CADM2: variants seen among roughly 807,000 people sequenced by gnomAD.
CADM2 encodes the protein immunoglobulin superfamily member 4D.
Under a neutral mutation model 49.8 loss-of-function variants are expected in CADM2, and 12 were observed. That is an observed-to-expected ratio of 0.24 (90% confidence interval 0.15 to 0.39). The LOEUF (loss-of-function observed/expected upper bound fraction) is 0.39. Among genes scored for constraint, CADM2 ranks in the 10% least tolerant of loss-of-function variants. The probability of loss-of-function intolerance (pLI) is 1.00; values close to 1 mark genes in which losing one functional copy is unlikely to be tolerated. For synonymous variants in CADM2, 214 were observed against 175.4 expected (o/e 1.22, Z -1.74); for missense variants, 378 against 492.3 (o/e 0.77, Z 2.20).
In CADM2 at chr3:85,625,766, G is replaced by A. The variant is rs367627338; in HGVS notation, c.62-100756G>A. On this transcript the variant is annotated intron_variant, in intron 1 of 9. Transcript: ENST00000383699. ...GGGTATAGAGGCTGTATATAATGTA[G>A]TTTCGTACTGTGATACATATCAAAA... is the stretch of plus-strand genomic sequence containing the variant. Among the ~76,000 whole-genome samples, 813 of 152,006 alleles carry A rather than the reference G, an allele frequency of 5.3e-3. 3 individuals carry two copies. Among genetic ancestry groups the A allele is most frequent in the Middle Eastern group, 0.01 (3 of 294 alleles).
At chr3:85,845,172 A>AG (rs1199967419) in intron 3 of CADM2, among the ~76,000 whole-genome samples, 5 of 151,454 alleles carry the variant, frequency 3.3e-5, no homozygotes, top group African/African-American at 1.2e-4. Context: ...AAAAAAAAAA[A>AG]AAGAAGAGCA....
chr3:85,963,034 A>T (rs73134126), intron 8 of CADM2, among the ~76,000 whole-genome samples: 1 of 151,910 alleles, frequency 6.6e-6, no homozygotes. Context: ...AATTAATCTA[A>T]CAAGTGTTAT....
At chr3:85,984,472 A>G (rs1366551962) in intron 8 of CADM2, among the ~76,000 whole-genome samples, 1 of 151,784 alleles carries the variant, frequency 6.6e-6, no homozygotes, top group Non-Finnish European at 1.5e-5. Flanking sequence ...CATATGAAAC[A>G]TAGTTATATA....
chr3:85,534,223 A>C (rs1349885539), intron 1 of CADM2, among the ~76,000 whole-genome samples: 1 of 152,042 alleles, frequency 6.6e-6, no homozygotes, highest in Non-Finnish European at 1.5e-5. Context: ...GTTTCCCTTA[A>C]CTCTTGCCAT....
chr3:85,047,947 CAA>C (rs1236895225), intron 1 of CADM2, among the ~76,000 whole-genome samples: 2 of 152,096 alleles, frequency 1.3e-5, no homozygotes. Context: ...AGTAATAACA[CAA>C]GTCTGAAATT....
chr3:85,565,159 T>A (rs1436315362), intron 1 of CADM2, among the ~76,000 whole-genome samples: 5 of 152,096 alleles, frequency 3.3e-5, no homozygotes, highest in African/African-American at 1.2e-4. Context: ...TAGCATTGTT[T>A]ATAACTGCTC....
At chr3:85,866,671 T>C (rs558746373) in intron 3 of CADM2, among the ~76,000 whole-genome samples, 18 of 151,948 alleles carry the variant, frequency 1.2e-4, no homozygotes, top group African/African-American at 3.9e-4. Context: ...TAATTAATAA[T>C]TTATGTATTT....
At chr3:85,123,339 A>C (rs1197615090) in intron 1 of CADM2, among the ~76,000 whole-genome samples, 2 of 152,126 alleles carry the variant, frequency 1.3e-5, no homozygotes, top group African/African-American at 4.8e-5. Context: ...TTGACTCTGG[A>C]GATTTCCTCA....
At chr3:85,360,078 A>G (rs73845442) in intron 1 of CADM2, among the ~76,000 whole-genome samples, 1,776 of 152,040 alleles carry the variant, frequency 0.012, 27 homozygotes, top group African/African-American at 0.041. Flanking sequence ...TAAATACAAA[A>G]TAATTTTTTT....
chr3:84,986,797 T>C (rs991724479), intron 1 of CADM2, among the ~76,000 whole-genome samples: 1 of 151,090 alleles, frequency 6.6e-6, no homozygotes, highest in Non-Finnish European at 1.5e-5. Context: ...CTTTAAGAAG[T>C]TAGTTTGACT....
At chr3:85,702,260 A>C (rs1428200658) in intron 1 of CADM2, among the ~76,000 whole-genome samples, 1 of 152,060 alleles carries the variant, frequency 6.6e-6, no homozygotes, top group East Asian at 1.9e-4. Context: ...ACTCAGGGTA[A>C]CTGTCAGGGA....
At chr3:85,887,580 A>G (rs1445932593) in intron 5 of CADM2, among the ~76,000 whole-genome samples, 1 of 152,154 alleles carries the variant, frequency 6.6e-6, no homozygotes, top group Non-Finnish European at 1.5e-5. Context: ...GTCCTTATCC[A>G]TAATTTTACC....
chr3:85,490,495 G>T (rs943380262), intron 1 of CADM2, among the ~76,000 whole-genome samples: 2 of 152,038 alleles, frequency 1.3e-5, no homozygotes, highest in Non-Finnish European at 2.9e-5. Context: ...AAGGTAGAAG[G>T]ATTGCTTAAG....
intron 3 of CADM2, among the ~76,000 whole-genome samples, chr3:85,820,591 AC>A (rs1396914352): frequency 6.6e-6 from 1 of 152,178 alleles, no homozygotes; most frequent in Non-Finnish European, 1.5e-5. Flanking sequence ...ACTTGAAATA[AC>A]AAACTTGAGA....
At position 85,172,832 on chromosome 3, in the gene CADM2, A is replaced by AAT. The variant is rs925469756; in HGVS notation, c.61+213173_61+213174dup. Among the ~76,000 whole-genome samples the AAT allele has an allele frequency of 4.8e-5, 7 of 146,928 alleles. No individual in the cohort carries two copies. The East Asian group carries it at 1.2e-3, about 25-fold the overall frequency. On this transcript the variant is annotated intron_variant, in intron 1 of 9. Coordinates refer to ENST00000383699, the MANE Select transcript of CADM2 (RefSeq NM_001167675.2). The stretch of plus-strand genomic sequence containing the variant: ...GGTCTGAACTATGCAGATTATATAT[A>AAT]ATATATATATTATATATAAAAATAT...
intron 1 of CADM2, among the ~76,000 whole-genome samples, chr3:85,502,393 A>G (rs2040155684): frequency 6.6e-6 from 1 of 152,072 alleles, no homozygotes; most frequent in Admixed American, 6.6e-5. Flanking sequence ...ACTCTTAAGG[A>G]GGAAAAAGGA....
chr3:85,524,361 A>G (rs939978244), intron 1 of CADM2, among the ~76,000 whole-genome samples: 3 of 152,086 alleles, frequency 2.0e-5, no homozygotes, highest in African/African-American at 7.2e-5. Flanking sequence ...CTATAACTCC[A>G]TTCCTAAGTA....
chr3:85,136,095 G>C (rs2039407938), intron 1 of CADM2, among the ~76,000 whole-genome samples: 1 of 152,104 alleles, frequency 6.6e-6, no homozygotes, highest in Admixed American at 6.5e-5. Context: ...TAGGCAGAAA[G>C]AGGGTTGACA....
At chr3:85,549,412 TAAG>T (rs1418732312) in intron 1 of CADM2, among the ~76,000 whole-genome samples, 5 of 152,144 alleles carry the variant, frequency 3.3e-5, no homozygotes, top group Admixed American at 2.6e-4. Flanking sequence ...GTCTCATATA[TAAG>T]AACAATTGCA....
Sources: gnomAD v4.1 joint callset for allele counts (sites outside exome capture counted in the v4.1 genomes callset) on GRCh38, gnomAD v4.1.1 for gene constraint, MANE v1.5 for transcripts, NCBI Gene and HGNC (gene_info 2026-07-23, HGNC 2026-07-21) for gene names.